The following TACC2 variants were observed in gnomAD, a reference collection of about 807,000 sequenced individuals.
TACC2 encodes transforming acidic coiled-coil-containing protein 2.
Under a neutral mutation model 227.3 loss-of-function variants are expected in TACC2, and 137 were observed. That is an observed-to-expected ratio of 0.60 (90% CI 0.52 to 0.69). The LOEUF is 0.69. Ranked by LOEUF, TACC2 falls within the 30% of genes least tolerant of loss-of-function variation. The pLI is 0.00. For missense variants in TACC2, 3,470 were observed against 3,694.4 expected, an observed-to-expected ratio of 0.94 and a Z score of 1.57; for synonymous variants, 1,523 against 1,487.5, an observed-to-expected ratio of 1.02 and a Z score of -0.55.
rs2080102048 is a variant in TACC2, at chr10:122,086,414, C to G, written c.3914C>G (p.Pro1305Arg). Residue 1305 changes from proline (P) to arginine (R), a missense_variant, in exon 4 of 23, where the codon CCT (proline) becomes CGT (arginine). By Grantham distance (103) the Pro-to-Arg change is moderately radical (BLOSUM62 -2). Transcript: ENST00000369005. ...CCAGGAGCTGCAGGTGGGGAAATCC[C>G]TGCAGTGCAAGCCAGCAGTGGTAGT... ...LQPGAAGGEI[P>R]AVQASSGSPK... is the part of the protein sequence containing the mutation. 6.2e-7 allele frequency: 1 copy of G among 1,613,708 alleles called. No homozygotes were observed. The highest frequency in any genetic ancestry group is 8.5e-7 in the Non-Finnish European group (1 of 1,180,014).
chr10:122,106,231 GCCTACCTCA>G (rs2082787212), intron 5 of TACC2, among the ~76,000 whole-genome samples: 1 of 151,732 alleles, frequency 6.6e-6, no homozygotes, highest in Non-Finnish European at 1.5e-5. Context: ...CAGGTGATCT[GCCTACCTCA>G]GCCTCCCAAA....
chr10:122,159,998 G>A (rs2092722779), intron 7 of TACC2, among the ~76,000 whole-genome samples: 1 of 152,152 alleles, frequency 6.6e-6, no homozygotes, highest in South Asian at 2.1e-4. Flanking sequence ...TTGAACCTCT[G>A]TGGGACTGAA....
chr10:122,216,890 G>T (rs759564463), intron 11 of TACC2, 62 bp downstream of exon 11: 1 of 1,613,348 alleles, frequency 6.2e-7, no homozygotes, highest in Non-Finnish European at 8.5e-7. Flanking sequence ...CCCCTAGGGA[G>T]CCAAAGGCCA....
intron 7 of TACC2, among the ~76,000 whole-genome samples, chr10:122,172,065 T>C (rs919208715): frequency 6.6e-6 from 1 of 152,092 alleles, no homozygotes; most frequent in Non-Finnish European, 1.5e-5. Context: ...TGGACAAACA[T>C]GTGGGCTCTC....
intron 2 of TACC2, 193 bp downstream of exon 2, chr10:122,022,207 C>T: frequency 1.8e-6 from 1 of 566,668 alleles, no homozygotes; most frequent in Non-Finnish European, 3.1e-6. Flanking sequence ...TTAAGGCTAG[C>T]TCTAGTTAAA....
chr10:122,085,056 T>C lies in TACC2; in HGVS notation c.2556T>C (p.Pro852=), dbSNP rs781180184. Residue 852 remains proline, a synonymous_variant, in exon 4 of 23, where the codon CCT becomes CCC. Coordinates refer to ENST00000369005, the MANE Select transcript of TACC2 (RefSeq NM_206862.4). The stretch of plus-strand genomic sequence containing the variant: ...TGCTCAAGGAGCAGGCCCAGCCACC[T>C]GAAAATGGGAAAGAGACTTCTCCAA... ...FDVLKEQAQP[P]ENGKETSPSH... is the part of the protein sequence containing the mutation. 8 of 1,614,172 alleles carry C rather than the reference T, an allele frequency of 5.0e-6. No individual in the cohort carries two copies. Among genetic ancestry groups the C allele is most frequent in the Middle Eastern group, 1.6e-4 (1 of 6,062 alleles).
intron 3 of TACC2, among the ~76,000 whole-genome samples, chr10:122,058,416 T>C (rs1417675578): frequency 6.6e-6 from 1 of 152,058 alleles, no homozygotes; most frequent in African/African-American, 2.4e-5. Flanking sequence ...TTATTATATA[T>C]TTATTTATTT....
chr10:122,242,553 G>A (rs534365303), intron 19 of TACC2, among the ~76,000 whole-genome samples: 6 of 152,230 alleles, frequency 3.9e-5, no homozygotes, highest in East Asian at 3.9e-4. Context: ...TTAACACGGC[G>A]TCCCTGGCAG....
intron 6 of TACC2, among the ~76,000 whole-genome samples, chr10:122,137,482 A>G (rs79455856): frequency 6.6e-6 from 1 of 152,078 alleles, no homozygotes; most frequent in Non-Finnish European, 1.5e-5. Flanking sequence ...CTAAAAAAAA[A>G]GCAGAATGGT....
intron 1 of TACC2, among the ~76,000 whole-genome samples, chr10:121,990,257 A>G (rs1952974154): frequency 6.6e-6 from 1 of 151,992 alleles, no homozygotes; most frequent in Non-Finnish European, 1.5e-5. Flanking sequence ...TTGGAACTAC[A>G]GGTGCATGCC....
chr10:122,164,534 T>A (rs970025000), intron 7 of TACC2, among the ~76,000 whole-genome samples: 1 of 152,214 alleles, frequency 6.6e-6, no homozygotes, highest in Non-Finnish European at 1.5e-5. Context: ...GGCCGAACCG[T>A]CCTGTCATTG....
intron 7 of TACC2, among the ~76,000 whole-genome samples, chr10:122,147,675 T>C (rs749262332): frequency 1.3e-5 from 2 of 152,226 alleles, no homozygotes; most frequent in Non-Finnish European, 2.9e-5. Context: ...ATTCTTTGGG[T>C]TATAACCCAA....
Position 122,087,067 on chromosome 10 carries a change from C to G in TACC2, c.4567C>G (p.Pro1523Ala). 6.2e-7 allele frequency: 1 copy of G among 1,613,052 alleles called. No individual in the cohort carries two copies. Among genetic ancestry groups the G allele is most frequent in the Non-Finnish European group, 8.5e-7 (1 of 1,179,658 alleles). Residue 1523 changes from proline to alanine, a missense_variant, in exon 4 of 23, where the codon CCC (proline) becomes GCC (alanine). Physicochemically the swap from Pro to Ala is conservative, Grantham distance 27. Around this residue, in one of 10 missense-constraint regions of TACC2, gnomAD observed 1,924 missense variants for 1,978.3 expected, o/e 0.97. Coordinates refer to ENST00000369005, the MANE Select transcript of TACC2 (RefSeq NM_206862.4). Reference sequence around the variant, plus strand: ...GGGGAAGGAGATGGCAGGTGTCCCACCCACACTGAGGGAAGACGAGAGGCC... The same window carrying G: ...GGGGAAGGAGATGGCAGGTGTCCCAGCCACACTGAGGGAAGACGAGAGGCC... ...GVGKEMAGVP[P>A]TLREDERPEG...
At chr10:122,170,553 C>A (rs912723242) in intron 7 of TACC2, among the ~76,000 whole-genome samples, 13 of 152,122 alleles carry the variant, frequency 8.5e-5, no homozygotes, top group African/African-American at 2.9e-4. Flanking sequence ...ATGCCTGCCT[C>A]AGCCTCCCGA....
chr10:122,100,147 C>T (rs2137576963), intron 5 of TACC2, among the ~76,000 whole-genome samples: 1 of 152,140 alleles, frequency 6.6e-6, no homozygotes, highest in South Asian at 2.1e-4. Context: ...GCCTGTAGTC[C>T]CTGCTGCTCG....
chr10:121,999,395 C>T (rs983008207), intron 1 of TACC2, among the ~76,000 whole-genome samples: 7 of 152,222 alleles, frequency 4.6e-5, no homozygotes, highest in African/African-American at 1.7e-4. Context: ...TTTGCTGAAA[C>T]TGGTCATAAG....
chr10:122,129,052 CTTATTTTAATTATTA>C lies in TACC2; in HGVS notation c.5574-3551_5574-3537del, dbSNP rs1236310480. Among the ~76,000 whole-genome samples the C allele has an allele frequency of 1.5e-4, 14 of 91,584 alleles. No homozygotes were observed. The South Asian group carries it at 3.8e-3, about 25-fold the overall frequency. 60.1% of individuals were successfully genotyped at this position (91,584 alleles called of 152,430 possible). A position where few individuals can be genotyped will look rare whatever the true frequency, so the allele number is the denominator to read the frequency against. ...TGCATCTAGATACATGAAGATCTATCTTATTTTAATTATTATTATTATTATTATTATTATTATTAT... is the reference window on the plus strand; with the variant it reads ...TGCATCTAGATACATGAAGATCTATCTTATTATTATTATTATTATTATTAT... On this transcript the variant is annotated intron_variant, in intron 5 of 22. Coordinates refer to ENST00000369005, the MANE Select transcript of TACC2 (RefSeq NM_206862.4).
intron 1 of TACC2, among the ~76,000 whole-genome samples, chr10:121,991,199 A>G (rs1399305792): frequency 6.6e-6 from 1 of 152,154 alleles, no homozygotes; most frequent in African/African-American, 2.4e-5. Flanking sequence ...GCTTTTATTT[A>G]TTTATTTTAT....
intron 7 of TACC2, among the ~76,000 whole-genome samples, chr10:122,159,069 G>A (rs1407807206): frequency 6.6e-6 from 1 of 152,186 alleles, no homozygotes; most frequent in African/African-American, 2.4e-5. Flanking sequence ...AAGAAGTCTG[G>A]GGGCTGGCAG....
Sources: allele counts gnomAD v4.1 joint callset (sites outside exome capture counted in the v4.1 genomes callset), GRCh38; gene constraint gnomAD v4.1.1; regional missense constraint gnomAD v4.1.1; transcripts MANE v1.5; gene names NCBI Gene and HGNC (gene_info 2026-07-23, HGNC 2026-07-21).